The following GRID2 variants were observed in gnomAD, a reference collection of about 807,000 sequenced individuals.
GRID2 encodes glutamate ionotropic receptor delta type subunit 2.
Under a neutral mutation model 114.8 loss-of-function variants are expected in GRID2, and 33 were observed. That is an observed-to-expected ratio of 0.29 (90% CI 0.22 to 0.38). The LOEUF (loss-of-function observed/expected upper bound fraction) is 0.38, where lower values mean the gene tolerates loss of function less well. GRID2 is among the 10% of genes least tolerant of loss of function. The pLI is 1.00. For missense variants in GRID2, 1,184 were observed against 1,257.7 expected (o/e 0.94, Z 0.89); for synonymous variants, 505 against 449.9 (o/e 1.12, Z -1.55).
intron 1 of GRID2, among the ~76,000 whole-genome samples, chr4:92,447,752 T>C (rs1733546816): frequency 6.6e-6 from 1 of 152,194 alleles, no homozygotes; most frequent in Non-Finnish European, 1.5e-5. Flanking sequence ...TGTCTGCTCA[T>C]GTTGGAAGAA....
intron 8 of GRID2, among the ~76,000 whole-genome samples, chr4:93,296,488 G>T (rs2149159312): frequency 6.6e-6 from 1 of 152,244 alleles, no homozygotes; most frequent in African/African-American, 2.4e-5. Flanking sequence ...ACCTATTTCA[G>T]AATGTTTCTG....
intron 2 of GRID2, among the ~76,000 whole-genome samples, chr4:93,067,264 T>C (rs1349988388): frequency 6.6e-6 from 1 of 152,000 alleles, no homozygotes; most frequent in Non-Finnish European, 1.5e-5. Flanking sequence ...ATTATCTCTT[T>C]TGCCAAGCAC....
chr4:92,829,001 A>C (rs935427677), intron 2 of GRID2, among the ~76,000 whole-genome samples: 1 of 152,150 alleles, frequency 6.6e-6, no homozygotes, highest in Non-Finnish European at 1.5e-5. Context: ...TTGGCTGTGC[A>C]GAAGCTCTTT....
intron 2 of GRID2, among the ~76,000 whole-genome samples, chr4:92,990,499 G>A (rs939446705): frequency 3.3e-5 from 5 of 151,472 alleles, no homozygotes; most frequent in African/African-American, 7.3e-5. Context: ...TAGTAGAGAC[G>A]GTGCGGGGAT....
intron 4 of GRID2, among the ~76,000 whole-genome samples, chr4:93,170,028 G>A (rs1176603270): frequency 1.3e-5 from 2 of 152,090 alleles, no homozygotes; most frequent in Non-Finnish European, 2.9e-5. Context: ...CCTTGTATAG[G>A]CTATGTTTTT....
chr4:93,230,741 T>A (rs1047702280), intron 7 of GRID2, among the ~76,000 whole-genome samples: 2 of 152,144 alleles, frequency 1.3e-5, no homozygotes, highest in Non-Finnish European at 2.9e-5. Flanking sequence ...TCATTTTTAT[T>A]CACTCCTGTC....
At chr4:93,368,541 A>C (rs775039890) in intron 8 of GRID2, among the ~76,000 whole-genome samples, 1 of 152,044 alleles carries the variant, frequency 6.6e-6, no homozygotes, top group Admixed American at 6.6e-5. Flanking sequence ...TCCTAATGCT[A>C]TCTCTCCCCA....
chr4:92,576,070 A>C (rs1275185407), intron 1 of GRID2, among the ~76,000 whole-genome samples: 2 of 152,186 alleles, frequency 1.3e-5, no homozygotes, highest in Non-Finnish European at 2.9e-5. Context: ...TTGTCTAAAC[A>C]ACCAAGGTGG....
chr4:93,724,432 TCA>T (rs1729658480), intron 14 of GRID2, among the ~76,000 whole-genome samples: 1 of 152,224 alleles, frequency 6.6e-6, no homozygotes, highest in Non-Finnish European at 1.5e-5. Context: ...TAAATATGTG[TCA>T]CACATATTCT....
At chr4:92,948,980 G>A (rs1751841285) in intron 2 of GRID2, among the ~76,000 whole-genome samples, 1 of 151,798 alleles carries the variant, frequency 6.6e-6, no homozygotes, top group East Asian at 1.9e-4. Flanking sequence ...AAATATTTGT[G>A]TGAGTGTGTG....
chr4:92,801,879 C>T (rs1430969254), intron 2 of GRID2, among the ~76,000 whole-genome samples: 3 of 151,738 alleles, frequency 2.0e-5, no homozygotes, highest in East Asian at 3.9e-4. Context: ...GAAGTTAAAT[C>T]GCTATTCCTC....
chr4:93,432,947 C>T (rs1301407891), intron 10 of GRID2, among the ~76,000 whole-genome samples: 1 of 152,010 alleles, frequency 6.6e-6, no homozygotes, highest in East Asian at 1.9e-4. Flanking sequence ...GTGCATGGCT[C>T]TAGTCCGAGC....
intron 2 of GRID2, among the ~76,000 whole-genome samples, chr4:92,760,630 G>C (rs1372704466): frequency 6.6e-6 from 1 of 152,128 alleles, no homozygotes; most frequent in Non-Finnish European, 1.5e-5. Flanking sequence ...TGCCAAATTG[G>C]TGTTGACCCT....
At chr4:92,777,407 A>T (rs1276297671) in intron 2 of GRID2, among the ~76,000 whole-genome samples, 1 of 152,098 alleles carries the variant, frequency 6.6e-6, no homozygotes, top group African/African-American at 2.4e-5. Context: ...TTTCTCATCC[A>T]GTCCAAATCC....
chr4:93,529,282 T>C (rs911998643), intron 13 of GRID2, among the ~76,000 whole-genome samples: 1 of 152,202 alleles, frequency 6.6e-6, no homozygotes, highest in African/African-American at 2.4e-5. Flanking sequence ...CTGATAAACA[T>C]TGTTCACAGA....
chr4:93,537,361 A>T (rs1732199969), intron 13 of GRID2, among the ~76,000 whole-genome samples: 1 of 151,768 alleles, frequency 6.6e-6, no homozygotes, highest in African/African-American at 2.4e-5. Flanking sequence ...GAGAAGTAAG[A>T]CACAGAGATT....
At chr4:93,016,844 T>C (rs1249766794) in intron 2 of GRID2, among the ~76,000 whole-genome samples, 1 of 152,248 alleles carries the variant, frequency 6.6e-6, no homozygotes, top group African/African-American at 2.4e-5. Flanking sequence ...CACTTGTTTT[T>C]AGAATAAGTT....
intron 4 of GRID2, among the ~76,000 whole-genome samples, chr4:93,159,215 A>C (rs767881939): frequency 6.6e-6 from 1 of 151,806 alleles, no homozygotes; most frequent in Admixed American, 6.6e-5. Flanking sequence ...GTACTGGTCA[A>C]ATTACTAAAG....
At chr4:92,321,876 G>T (rs187373737) in intron 1 of GRID2, among the ~76,000 whole-genome samples, 5 of 152,010 alleles carry the variant, frequency 3.3e-5, no homozygotes, top group African/African-American at 1.2e-4. Flanking sequence ...CTACTTCCTG[G>T]CTGTGAAGTC....
Sources: gnomAD v4.1 joint callset for allele counts (sites outside exome capture counted in the v4.1 genomes callset) on GRCh38, gnomAD v4.1.1 for gene constraint, MANE v1.5 for transcripts, NCBI Gene and HGNC (gene_info 2026-07-23, HGNC 2026-07-21) for gene names.